SORCS2: variants seen among roughly 807,000 people sequenced by gnomAD.
SORCS2 encodes VPS10 domain-containing receptor SorCS2.
Under a neutral mutation model 141.6 loss-of-function variants are expected in SORCS2, and 100 were observed. That is an observed-to-expected ratio of 0.71 (90% CI 0.60 to 0.83). The LOEUF is 0.83. Among genes scored for constraint, SORCS2 ranks in the 40% least tolerant of loss-of-function variants. The pLI is 0.00. For missense variants in SORCS2, 1,646 were observed against 1,560.2 expected (o/e 1.05, Z -0.93); for synonymous variants, 789 against 676.9 (o/e 1.17, Z -2.57).
intron 1 of SORCS2, among the ~76,000 whole-genome samples, chr4:7,353,234 C>G (rs1411393945): frequency 6.6e-6 from 1 of 152,128 alleles, no homozygotes; most frequent in African/African-American, 2.4e-5. Context: ...TAAGCACTGG[C>G]TAAGGCAAAA....
chr4:7,736,937 G>C, intron 25 of SORCS2, 132 bp from the exon 26 acceptor site: 5 of 1,186,934 alleles, frequency 4.2e-6, no homozygotes, highest in Non-Finnish European at 5.8e-6. Flanking sequence ...TTGGGGCTGG[G>C]GTAGGCACCT....
chr4:7,233,189 A>G lies in SORCS2; in HGVS notation c.480+40063A>G, dbSNP rs1712024899. On this transcript the variant is annotated intron_variant, in intron 1 of 26. Transcript: ENST00000507866. The surrounding 1 kb of genome is among the most constrained non-coding windows in gnomAD (Gnocchi z 4.5). The stretch of plus-strand genomic sequence containing the variant: ...GGTACTGTCACTGCAGGCAGCAGGA[A>G]CGGCACGGCAGAGGGAGCCTTCCAG... Among the ~76,000 whole-genome samples the G allele has an allele frequency of 1.3e-5, 2 of 152,100 alleles. No homozygotes were observed. Among genetic ancestry groups the G allele is most frequent in the African/African-American group, 4.8e-5 (2 of 41,440 alleles).
chr4:7,513,145 C>G (rs938411515), intron 2 of SORCS2, among the ~76,000 whole-genome samples: 2 of 152,212 alleles, frequency 1.3e-5, no homozygotes, highest in Non-Finnish European at 2.9e-5. Context: ...CAAGTCCTTT[C>G]GCCTCTCTGA....
chr4:7,645,667 T>C (rs1225568051), intron 4 of SORCS2, among the ~76,000 whole-genome samples: 1 of 152,198 alleles, frequency 6.6e-6, no homozygotes, highest in Admixed American at 6.5e-5. Flanking sequence ...GAACACATAC[T>C]GCATGCCAGG....
In SORCS2 at chr4:7,482,677, A is replaced by T. The variant is rs13142363; in HGVS notation, c.549-48853A>T. On this transcript the variant is annotated intron_variant, in intron 2 of 26. Transcript: ENST00000507866. Reference sequence around the variant, plus strand: ...CCCCGCTGCGGACACCCCTGGCTGCAGTTCAGACCTGTATCCCCACTGCGG... The same window carrying T: ...CCCCGCTGCGGACACCCCTGGCTGCTGTTCAGACCTGTATCCCCACTGCGG... 7.1e-3 allele frequency among the ~76,000 whole-genome samples: 367 copies of T among 51,838 alleles called. 15 individuals are homozygous for T. The highest frequency in any genetic ancestry group is 0.019 in the East Asian group (31 of 1,658). 34.0% of individuals were successfully genotyped at this position (51,838 alleles called of 152,430 possible). A position where few individuals can be genotyped will look rare whatever the true frequency, so the allele number is the denominator to read the frequency against.
At chr4:7,314,334 T>A (rs4689700) in intron 1 of SORCS2, among the ~76,000 whole-genome samples, 57 of 59,386 alleles carry the variant, frequency 9.6e-4, no homozygotes, top group African/African-American at 3.3e-3. Flanking sequence ...TTTTTTTTAT[T>A]TTTTTTATTT....
intron 2 of SORCS2, among the ~76,000 whole-genome samples, chr4:7,478,197 G>A (rs368614560): frequency 2.6e-5 from 4 of 152,336 alleles, no homozygotes; most frequent in East Asian, 1.9e-4. Context: ...GGCGTGTAGG[G>A]TGCAGTGAGT....
rs1721259663 is a variant in SORCS2, at chr4:7,648,955, G to T, written c.814-5179G>T. ...GCGTAGCATGAGGGGACACGCCTGG[G>T]GATCCCTCCCCCGAGCCCAGCTGGC... is the stretch of plus-strand genomic sequence containing the variant. On this transcript the variant is annotated intron_variant, in intron 4 of 26. Coordinates refer to ENST00000507866, the MANE Select transcript of SORCS2 (RefSeq NM_020777.3). This position sits in a 1 kb window ranked among gnomAD's most constrained non-coding sequence, Gnocchi z 4.2. 6.6e-6 allele frequency among the ~76,000 whole-genome samples: 1 copy of T among 152,146 alleles called. No individual in the cohort carries two copies. Among genetic ancestry groups the T allele is most frequent in the African/African-American group, 2.4e-5 (1 of 41,428 alleles).
At chr4:7,526,226 C>A (rs182427301) in intron 2 of SORCS2, among the ~76,000 whole-genome samples, 2 of 152,264 alleles carry the variant, frequency 1.3e-5, no homozygotes, top group South Asian at 2.1e-4. Context: ...TGCAGAGCCC[C>A]ACACCTTCAG....
chr4:7,461,794 A>C (rs947664973), intron 2 of SORCS2, among the ~76,000 whole-genome samples: 2 of 151,972 alleles, frequency 1.3e-5, no homozygotes, highest in Non-Finnish European at 2.9e-5. Context: ...CTGCTGCCCA[A>C]AATATGGCCT....
intron 3 of SORCS2, among the ~76,000 whole-genome samples, chr4:7,562,647 T>C (rs989539602): frequency 6.6e-6 from 1 of 152,318 alleles, no homozygotes; most frequent in East Asian, 1.9e-4. Flanking sequence ...GGACCACAGA[T>C]TGGATGGCTT....
intron 1 of SORCS2, among the ~76,000 whole-genome samples, chr4:7,228,559 C>T (rs17810504): frequency 0.012 from 1,767 of 152,300 alleles, 14 homozygotes; most frequent in Middle Eastern, 0.037. Context: ...CACAGGCTCA[C>T]GGTGAGAATT....
At chr4:7,521,275 G>A (rs549758257) in intron 2 of SORCS2, among the ~76,000 whole-genome samples, 1 of 152,100 alleles carries the variant, frequency 6.6e-6, no homozygotes, top group Admixed American at 6.5e-5. Context: ...TTCAGATCCT[G>A]CTGCCTTCGC....
chr4:7,438,151 A>G (rs1727426775), intron 2 of SORCS2, among the ~76,000 whole-genome samples: 1 of 152,228 alleles, frequency 6.6e-6, no homozygotes, highest in Non-Finnish European at 1.5e-5. Context: ...TCCCAGGTCC[A>G]GCCCCAGTCC....
chr4:7,398,629 T>C (rs932718107), intron 2 of SORCS2, among the ~76,000 whole-genome samples: 3 of 152,262 alleles, frequency 2.0e-5, no homozygotes, highest in Non-Finnish European at 2.9e-5. Context: ...TCTTTTCTGA[T>C]GCTAACATAT....
At chr4:7,312,430 C>T (rs1718244172) in intron 1 of SORCS2, among the ~76,000 whole-genome samples, 1 of 152,156 alleles carries the variant, frequency 6.6e-6, no homozygotes, top group Non-Finnish European at 1.5e-5. Flanking sequence ...ACAATGACCC[C>T]TCTGATGCCT....
intron 4 of SORCS2, among the ~76,000 whole-genome samples, chr4:7,650,146 C>T (rs10004763): frequency 6.6e-6 from 1 of 152,144 alleles, no homozygotes; most frequent in Non-Finnish European, 1.5e-5. Context: ...TGCATTCAAA[C>T]CACAGATAAT....
intron 2 of SORCS2, among the ~76,000 whole-genome samples, chr4:7,480,369 C>T (rs1730555951): frequency 6.6e-6 from 1 of 152,340 alleles, no homozygotes; most frequent in African/African-American, 2.4e-5. Flanking sequence ...CATTCCCAAA[C>T]TCTTCCAGCC....
At chr4:7,535,144 C>T (rs548366755) in intron 3 of SORCS2, among the ~76,000 whole-genome samples, 2 of 152,318 alleles carry the variant, frequency 1.3e-5, no homozygotes, top group East Asian at 1.9e-4. Flanking sequence ...GGCCTGTTCT[C>T]ACCTCTCCCT....
Sources: gnomAD v4.1 joint callset for allele counts (sites outside exome capture counted in the v4.1 genomes callset) on GRCh38, gnomAD v4.1.1 for gene constraint, Gnocchi (gnomAD v3.1) non-coding constraint, MANE v1.5 for transcripts, NCBI Gene and HGNC (gene_info 2026-07-23, HGNC 2026-07-21) for gene names.